Variants in RNF216 observed in about 807,000 individuals in gnomAD.
RNF216 encodes the protein E3 ubiquitin-protein ligase RNF216.
In RNF216, 72 loss-of-function variants were observed where a neutral mutation model predicts 110.8. The observed-to-expected ratio is 0.65, with a 90% CI of 0.54 to 0.79. The LOEUF (loss-of-function observed/expected upper bound fraction) is 0.79. Ranked by LOEUF, RNF216 falls within the 30% of genes least tolerant of loss-of-function variation. The pLI, the probability that RNF216 is intolerant of heterozygous loss-of-function variation, is 0.00. For synonymous variants in RNF216, 495 were observed against 407.5 expected (o/e 1.21, Z -2.59); for missense variants, 1,342 against 1,141.2 (o/e 1.18, Z -2.54).
Position 5,622,311 on chromosome 7 carries a change from C to G in RNF216, c.*549G>C, listed in dbSNP as rs1297001848. 3 of 153,562 alleles carry G rather than the reference C, an allele frequency of 2.0e-5. No homozygotes were observed. Among genetic ancestry groups the G allele is most frequent in the South Asian group, 4.1e-4 (2 of 4,886 alleles). The allele number at this position is 153,562 out of a possible 1,614,324, so 9.5% of individuals were successfully genotyped here. On this transcript the variant is annotated 3_prime_UTR_variant, in exon 17 of 17. Transcript: ENST00000389902. ...TGTAAGAGGGGAGGAGAGGTGCCCT[C>G]AACACTCACTGCAGTGGCGCACGGG...
intron 13 of RNF216, among the ~76,000 whole-genome samples, chr7:5,673,938 G>A (rs1373870405): frequency 6.9e-6 from 1 of 145,486 alleles, no homozygotes; most frequent in Non-Finnish European, 1.5e-5. Flanking sequence ...TCTGCTCACT[G>A]CAACATCTGC....
chr7:5,719,546 A>T (rs2128634866), intron 9 of RNF216, among the ~76,000 whole-genome samples: 1 of 152,346 alleles, frequency 6.6e-6, no homozygotes, highest in South Asian at 2.1e-4. Flanking sequence ...GCCAATAGTC[A>T]GAGATGGGAC....
At chr7:5,714,917 A>G (rs1015191714) in intron 11 of RNF216, 136 bp downstream of exon 11, 14 of 650,258 alleles carry the variant, frequency 2.2e-5, no homozygotes, top group Non-Finnish European at 3.4e-5. Context: ...CACATACATC[A>G]GGTAATGTAC....
At chr7:5,660,953 T>TTTTTTTTTTG (rs1789092077) in intron 13 of RNF216, among the ~76,000 whole-genome samples, 5 of 133,922 alleles carry the variant, frequency 3.7e-5, no homozygotes, top group Admixed American at 1.5e-4. Flanking sequence ...GTTTTTTTTT[T>TTTTTTTTTTG]TTTTTTTTTT....
chr7:5,714,549 G>A (rs747598266), intron 11 of RNF216, among the ~76,000 whole-genome samples: 9 of 152,056 alleles, frequency 5.9e-5, no homozygotes, highest in Non-Finnish European at 1.2e-4. Context: ...TGAGCCACCC[G>A]GGCAAAAAGT....
intron 13 of RNF216, among the ~76,000 whole-genome samples, chr7:5,655,312 G>A (rs921087863): frequency 1.8e-4 from 28 of 152,144 alleles, no homozygotes; most frequent in African/African-American, 5.1e-4. Context: ...CGAGGGTCCC[G>A]GAGAACATAT....
At chr7:5,766,668 A>G (rs902227265) in intron 1 of RNF216, among the ~76,000 whole-genome samples, 1 of 152,162 alleles carries the variant, frequency 6.6e-6, no homozygotes, top group South Asian at 2.1e-4. Context: ...TTTAAATGTC[A>G]CCCAGCTGAT....
chr7:5,758,615 C>A (rs1009243825), intron 2 of RNF216, among the ~76,000 whole-genome samples: 2 of 152,074 alleles, frequency 1.3e-5, no homozygotes, highest in African/African-American at 4.8e-5. Context: ...TTATTTTGGA[C>A]CTTTAAGATT....
intron 15 of RNF216, among the ~76,000 whole-genome samples, chr7:5,633,274 G>C (rs1787190109): frequency 1.3e-5 from 2 of 150,808 alleles, no homozygotes; most frequent in Admixed American, 1.3e-4. Context: ...ACTGCGCCCA[G>C]CTGGAAGAGC....
intron 1 of RNF216, among the ~76,000 whole-genome samples, chr7:5,765,695 T>C (rs913804751): frequency 6.7e-5 from 10 of 150,116 alleles, no homozygotes; most frequent in Admixed American, 2.7e-4. Context: ...GTAATCCCAG[T>C]ACTTCGGGCG....
intron 8 of RNF216, among the ~76,000 whole-genome samples, chr7:5,723,564 G>A (rs1384360450): frequency 6.6e-6 from 1 of 151,754 alleles, no homozygotes; most frequent in Non-Finnish European, 1.5e-5. Flanking sequence ...GGAGAATGGC[G>A]TGAACCCAGG....
chr7:5,697,312 T>C (rs372746288), intron 13 of RNF216, among the ~76,000 whole-genome samples: 29 of 152,354 alleles, frequency 1.9e-4, no homozygotes, highest in African/African-American at 6.7e-4. Flanking sequence ...GTTAGGGCCG[T>C]GGTTGCCCTT....
At chr7:5,625,268 G>A (rs1786638292) in intron 15 of RNF216, among the ~76,000 whole-genome samples, 1 of 152,228 alleles carries the variant, frequency 6.6e-6, no homozygotes, top group Non-Finnish European at 1.5e-5. Flanking sequence ...AGCCGAGCTG[G>A]GGAGAAGGAT....
chr7:5,736,344 G>GCTC (rs1028345692), intron 5 of RNF216, among the ~76,000 whole-genome samples: 3 of 152,176 alleles, frequency 2.0e-5, no homozygotes, highest in Non-Finnish European at 4.4e-5. Context: ...CTGGTCTCCA[G>GCTC]CTCCTAACCG....
At chr7:5,641,504 A>G (rs1787731856) in intron 14 of RNF216, 128 bp from the exon 15 acceptor site, 1 of 752,680 alleles carries the variant, frequency 1.3e-6, no homozygotes, top group Non-Finnish European at 2.1e-6. Flanking sequence ...TAAACAGTGA[A>G]AAGAGCCTAG....
At chr7:5,738,077 A>G (rs1330860380) in intron 5 of RNF216, among the ~76,000 whole-genome samples, 1 of 123,490 alleles carries the variant, frequency 8.1e-6, no homozygotes, top group East Asian at 2.3e-4. Context: ...CAACAGAATA[A>G]GACTGTCTCC....
Position 5,631,495 on chromosome 7 carries a change from T to G in RNF216, c.2383-7370A>C, listed in dbSNP as rs190676652. Among the ~76,000 whole-genome samples the G allele has an allele frequency of 5.9e-5, 9 of 152,328 alleles. No homozygotes were observed. The East Asian group carries it at 1.5e-3, about 26-fold the overall frequency. On this transcript the variant is annotated intron_variant, in intron 15 of 16. Transcript: ENST00000389902. ...CCTCTGACCAGGTGCTGTTCTCAGC[T>G]CACTGGTTTTGGTCCATCTCAAAGG...
intron 13 of RNF216, among the ~76,000 whole-genome samples, chr7:5,692,740 C>T (rs1253044650): frequency 6.6e-6 from 1 of 152,228 alleles, no homozygotes; most frequent in Non-Finnish European, 1.5e-5. Flanking sequence ...TGAAAATACA[C>T]AAGCATATTT....
At chr7:5,758,671 G>A (rs79658612) in intron 2 of RNF216, among the ~76,000 whole-genome samples, 2,268 of 152,220 alleles carry the variant, frequency 0.015, 39 homozygotes, top group South Asian at 0.039. Context: ...GACCTCTTGC[G>A]TCTTTCTTTT....
Sources: gnomAD v4.1 joint callset for allele counts (sites outside exome capture counted in the v4.1 genomes callset) on GRCh38, gnomAD v4.1.1 for gene constraint, MANE v1.5 for transcripts, NCBI Gene and HGNC (gene_info 2026-07-23, HGNC 2026-07-21) for gene names.